ARID1A: variants seen among roughly 807,000 people sequenced by gnomAD.
ARID1A encodes AT-rich interaction domain 1A.
A neutral mutation model predicts 212.6 loss-of-function variants in ARID1A; 20 were observed. That is an observed-to-expected ratio of 0.09 (90% CI 0.07 to 0.14). The LOEUF (loss-of-function observed/expected upper bound fraction) is 0.14. Among genes scored for constraint, ARID1A ranks in the 10% least tolerant of loss-of-function variants. The pLI is 1.00. For synonymous variants in ARID1A, 1,376 were observed against 1,222.1 expected, an observed-to-expected ratio of 1.13 and a Z score of -2.63; for missense variants, 2,587 against 3,059.0, an observed-to-expected ratio of 0.85 and a Z score of 3.64.
chr1:26,703,271 A>G (rs2080348125), intron 1 of ARID1A, among the ~76,000 whole-genome samples: 1 of 152,196 alleles, frequency 6.6e-6, no homozygotes, highest in Admixed American at 6.5e-5. Flanking sequence ...TTTAGGATTA[A>G]AAACATATCT....
At chr1:26,718,028 G>A (rs551532008) in intron 1 of ARID1A, among the ~76,000 whole-genome samples, 1 of 152,292 alleles carries the variant, frequency 6.6e-6, no homozygotes, top group East Asian at 1.9e-4. Context: ...AGGCTGGAGT[G>A]CAAAGGTGCA....
intron 8 of ARID1A, 97 bp from the exon 9 acceptor site, chr1:26,766,124 C>T (rs2124078393): frequency 7.2e-7 from 1 of 1,379,570 alleles, no homozygotes; most frequent in East Asian, 2.3e-5. Flanking sequence ...CCTTTTAATC[C>T]TTACTAGATG....
Position 26,731,352 on chromosome 1 carries a change from A to C in ARID1A, c.1551A>C (p.Pro517=). ...CACAGCTCCAGTCCTCTCAGCCTCC[A>C]TACTCCCAGCAGCCATCCCAGCCTC... is the stretch of plus-strand genomic sequence containing the variant. ...QPPQLQSSQP[P]YSQQPSQPPH... Residue 517 remains proline (P), a synonymous_variant, in exon 3 of 20, where the codon CCA becomes CCC. Transcript: ENST00000324856. 1 of 1,613,362 alleles carries C rather than the reference A, an allele frequency of 6.2e-7. No individual in the cohort carries two copies. Among genetic ancestry groups the C allele is most frequent in the Non-Finnish European group, 8.5e-7 (1 of 1,179,794 alleles).
intron 4 of ARID1A, among the ~76,000 whole-genome samples, chr1:26,751,671 T>A (rs2080886391): frequency 6.6e-6 from 1 of 152,230 alleles, no homozygotes; most frequent in African/African-American, 2.4e-5. Flanking sequence ...CACATATTCA[T>A]GTCAATTCTG....
rs201547182 is a variant in ARID1A, at chr1:26,780,781, C to A, written c.*25C>A. 24 of 1,539,962 alleles carry A rather than the reference C, an allele frequency of 1.6e-5. No individual in the cohort carries two copies. The South Asian group carries it at 2.3e-4, about 15-fold the overall frequency. ...ACAGCCGTGGGACACCTCCCCCCCC[C>A]GTGTGTGTGTGCGTGTGTGGAGAAC... On this transcript the variant is annotated 3_prime_UTR_variant, in exon 20 of 20. Coordinates refer to ENST00000324856, the MANE Select transcript of ARID1A (RefSeq NM_006015.6). This position sits in a 1 kb window ranked among gnomAD's most constrained non-coding sequence, Gnocchi z 7.2.
chr1:26,778,068 CAA>C (rs35541790), intron 19 of ARID1A: 8,858 of 100,928 alleles, frequency 0.088, 288 homozygotes, highest in Non-Finnish European at 0.098. Context: ...GACTCTGTCT[CAA>C]AAAAAAAAAA....
chr1:26,774,529 C>G lies in ARID1A; in HGVS notation c.4302C>G (p.Ala1434=), dbSNP rs768095591. Reference sequence around the variant, plus strand: ...ATGTATACAACCAGTATGGCAATGCCTATCCTGCCACTGCCACAGCTGCTA... The same window carrying G: ...ATGTATACAACCAGTATGGCAATGCGTATCCTGCCACTGCCACAGCTGCTA... ...QQDVYNQYGN[A]YPATATAATE... The change falls in exon 18 of 20, where the codon GCC becomes GCG. Residue 1434 remains alanine, a synonymous_variant. Coordinates refer to ENST00000324856, the MANE Select transcript of ARID1A (RefSeq NM_006015.6). The surrounding 1 kb of genome is among the most constrained non-coding windows in gnomAD (Gnocchi z 5.6). 1 of 1,614,128 alleles carries G rather than the reference C, an allele frequency of 6.2e-7. No individual in the cohort carries two copies. The highest frequency in any genetic ancestry group is 1.1e-5 in the South Asian group (1 of 91,076).
Position 26,696,705 on chromosome 1 carries a change from A to G in ARID1A, c.302A>G (p.Lys101Arg), listed in dbSNP as rs2124741258. The change falls in exon 1 of 20, where the codon AAG becomes AGG. Residue 101 changes from lysine (K) to arginine (R), a missense_variant. Lys to Arg is a conservative substitution (Grantham distance 26). Around this residue, in one of 11 missense-constraint regions of ARID1A, gnomAD observed 735 missense variants for 590.6 expected, o/e 1.24. Transcript: ENST00000324856. ...GGGCCCGGCGCGGAGCCGGACCTGA[A>G]GAACTCGAACGGGAACGCGGGCCCT... Reference protein sequence around the residue: ...GGGPGAEPDLKNSNGNAGPRP... With the variant: ...GGGPGAEPDLRNSNGNAGPRP... 1 of 1,363,900 alleles carries G rather than the reference A, an allele frequency of 7.3e-7. No individual in the cohort carries two copies. Among genetic ancestry groups the G allele is most frequent in the Non-Finnish European group, 9.4e-7 (1 of 1,058,658 alleles). The allele number at this position is 1,363,900 out of a possible 1,614,324, so 84.5% of individuals were successfully genotyped here.
chr1:26,762,955 G>T lies in ARID1A; in HGVS notation c.2420-18G>T. On this transcript the variant is annotated intron_variant, in intron 7 of 19. Coordinates refer to ENST00000324856, the MANE Select transcript of ARID1A (RefSeq NM_006015.6). ...GCTAGTGAGTGACTAACCAAGTCTT[G>T]TCTTCCTCCCCTCCCAGGTGGCTAC... The T allele has an allele frequency of 6.4e-7, 1 of 1,563,430 alleles. No homozygotes were observed. The highest frequency in any genetic ancestry group is 1.2e-5 in the South Asian group (1 of 85,408).
At chr1:26,735,831 A>C (rs1196028762) in intron 4 of ARID1A, among the ~76,000 whole-genome samples, 1 of 152,106 alleles carries the variant, frequency 6.6e-6, no homozygotes, top group Non-Finnish European at 1.5e-5. Context: ...CTAAGGCACC[A>C]TATGCTATTT....
rs1476545275 is a variant in ARID1A at position 26,696,611 on chromosome 1, G to A, written c.208G>A (p.Gly70Arg). 8.1e-7 allele frequency: 1 copy of A among 1,240,000 alleles called. No homozygotes were observed. 76.8% of individuals were successfully genotyped at this position (1,240,000 alleles called of 1,614,324 possible). A position where few individuals can be genotyped will look rare whatever the true frequency, so the allele number is the denominator to read the frequency against. ...CGCCGTGGGGCCGCCGCAGCCGCTG[G>A]GAAAGGAGCTGCAGGACGGGGCCGA... The part of the protein sequence containing the change: ...GPAVGPPQPL[G>R]KELQDGAESN... The change falls in exon 1 of 20, where the codon GGA (glycine) becomes AGA (arginine). Residue 70 changes from glycine (G) to arginine (R), a missense_variant. Gly to Arg is a moderately radical substitution (Grantham distance 125). Around this residue, in one of 11 missense-constraint regions of ARID1A, gnomAD observed 735 missense variants for 590.6 expected, o/e 1.24. Transcript: ENST00000324856.
intron 1 of ARID1A, among the ~76,000 whole-genome samples, chr1:26,712,312 C>A (rs1010435663): frequency 6.6e-6 from 1 of 152,152 alleles, no homozygotes; most frequent in African/African-American, 2.4e-5. Flanking sequence ...TCCCTCACCC[C>A]CTACTTCTTA....
At chr1:26,770,858 T>C (rs1428159932) in intron 11 of ARID1A, 5 of 474,100 alleles carry the variant, frequency 1.1e-5, no homozygotes, top group Non-Finnish European at 1.9e-5. Context: ...TGAATTCTGT[T>C]CCAGTAGTAA....
At position 26,779,617 on chromosome 1, in the gene ARID1A, A is replaced by G. The variant is rs139230162; in HGVS notation, c.5719A>G (p.Ile1907Val). 7.4e-6 allele frequency: 12 copies of G among 1,613,982 alleles called. No homozygotes were observed. Among genetic ancestry groups the G allele is most frequent in the Non-Finnish European group, 1.0e-5 (12 of 1,180,020 alleles). The change falls in exon 20 of 20, where the codon ATC (isoleucine) becomes GTC (valine). Residue 1907 changes from isoleucine (I) to valine (V), a missense_variant. Coordinates refer to ENST00000324856, the MANE Select transcript of ARID1A (RefSeq NM_006015.6). ...ACCTGATGGACCTCCAGAAAAACGG[A>G]TCACAGCCACTATGGATGACATGTT... is the stretch of plus-strand genomic sequence containing the variant. ...PPPDGPPEKR[I>V]TATMDDMLST... is the part of the protein sequence containing the mutation.
intron 14 of ARID1A, 89 bp from the exon 15 acceptor site, chr1:26,773,257 C>T (rs2124109423): frequency 1.4e-6 from 2 of 1,479,272 alleles, no homozygotes; most frequent in Non-Finnish European, 1.8e-6. Context: ...GAGATCAAAC[C>T]TGAACTCTGA....
At position 26,745,685 on chromosome 1, in the gene ARID1A, C is replaced by A. The variant is rs191516956; in HGVS notation, c.1920+12893C>A. On this transcript the variant is annotated intron_variant, in intron 4 of 19. Coordinates refer to ENST00000324856, the MANE Select transcript of ARID1A (RefSeq NM_006015.6). ...TAAATGAGAACATTGGATTCTCTGA[C>A]TGCTAGTCCAGTGGTTCTACTGTTG... Among the ~76,000 whole-genome samples the A allele has an allele frequency of 5.9e-5, 9 of 152,270 alleles. No individual in the cohort carries two copies. In the East Asian group the frequency reaches 1.7e-3, roughly 29 times the overall value.
chr1:26,781,570 T>C lies in ARID1A; in HGVS notation c.*814T>C. The stretch of plus-strand genomic sequence containing the variant: ...TAACCCTGAGATCACCTCTTAGAAC[T>C]GGTTTTAACCTTTAGCTGCAGCGGC... On this transcript the variant is annotated 3_prime_UTR_variant, in exon 20 of 20. Coordinates refer to ENST00000324856, the MANE Select transcript of ARID1A (RefSeq NM_006015.6). 2 of 233,674 alleles carry C rather than the reference T, an allele frequency of 8.6e-6. No homozygotes were observed. The highest frequency in any genetic ancestry group is 1.7e-5 in the Non-Finnish European group (2 of 118,000). 14.5% of individuals were successfully genotyped at this position (233,674 alleles called of 1,614,324 possible).
At chr1:26,758,352 A>G (rs150540354) in intron 4 of ARID1A, among the ~76,000 whole-genome samples, 139 of 152,292 alleles carry the variant, frequency 9.1e-4, no homozygotes, top group African/African-American at 2.7e-3. Context: ...TGGGAGGCCA[A>G]TGTGGGAGGA....
intron 1 of ARID1A, among the ~76,000 whole-genome samples, chr1:26,716,215 A>G (rs566260414): frequency 0.058 from 8,791 of 151,752 alleles, 357 homozygotes; most frequent in Non-Finnish European, 0.084. Context: ...AAAAAAAAAA[A>G]AAAAAGAAAA....
Sources: allele counts gnomAD v4.1 joint callset (sites outside exome capture counted in the v4.1 genomes callset), GRCh38; gene constraint gnomAD v4.1.1; regional missense constraint gnomAD v4.1.1; non-coding constraint Gnocchi (gnomAD v3.1); transcripts MANE v1.5; gene names NCBI Gene and HGNC (gene_info 2026-07-23, HGNC 2026-07-21).